CHRNB3: variants seen among roughly 807,000 people sequenced by gnomAD.
The protein encoded by CHRNB3 is neuronal acetylcholine receptor subunit beta-3.
CHRNB3 carries 37 observed loss-of-function variants against 40.6 expected under a neutral mutation model. The ratio of observed to expected loss-of-function variants is 0.91; its 90% CI spans 0.70 to 1.20. The LOEUF is 1.20. Ranked by LOEUF, CHRNB3 falls within the 50% of genes most tolerant of loss-of-function variation. CHRNB3 has a pLI of 0.00. For synonymous variants in CHRNB3, 207 were observed against 207.1 expected (o/e 1.00, Z 0.00); for missense variants, 505 against 551.2 (o/e 0.92, Z 0.84).
intron 2 of CHRNB3, among the ~76,000 whole-genome samples, chr8:42,709,980 T>C (rs746995721): frequency 1.3e-5 from 2 of 152,186 alleles, no homozygotes; most frequent in East Asian, 1.9e-4. Flanking sequence ...TTTATGTAAA[T>C]ATAGCCACAA....
chr8:42,701,061 C>G (rs2128904078), intron 1 of CHRNB3, among the ~76,000 whole-genome samples: 1 of 151,844 alleles, frequency 6.6e-6, no homozygotes, highest in South Asian at 2.1e-4. Flanking sequence ...AACCCCGTCT[C>G]TACTAAAAAC....
At chr8:42,714,007 G>A (rs1043773863) in intron 3 of CHRNB3, among the ~76,000 whole-genome samples, 9 of 152,144 alleles carry the variant, frequency 5.9e-5, no homozygotes, top group Admixed American at 3.3e-4. Flanking sequence ...TAGTCATTGC[G>A]ACGTCCATTT....
intron 5 of CHRNB3, among the ~76,000 whole-genome samples, chr8:42,733,985 C>T (rs150304679): frequency 0.012 from 1,728 of 149,546 alleles, 41 homozygotes; most frequent in African/African-American, 0.041. Flanking sequence ...GGGCCAGGCA[C>T]GGTGGCTCAT....
chr8:42,736,487 G>A lies in CHRNB3; in HGVS notation c.1246G>A (p.Val416Ile). The A allele has an allele frequency of 6.2e-7, 1 of 1,614,184 alleles. No homozygotes were observed. Among genetic ancestry groups the A allele is most frequent in the Non-Finnish European group, 8.5e-7 (1 of 1,180,032 alleles). ...VKKEHFISQVVQDWKFVAQVL... is the reference protein window; with the variant it reads ...VKKEHFISQVIQDWKFVAQVL... ...GGCATCTTTTTCTCTTTTGCAGGTA[G>A]TACAAGACTGGAAATTTGTAGCTCA... Residue 416 changes from valine (V) to isoleucine (I), a missense_variant, in exon 6 of 6, where the codon GTA becomes ATA. Physicochemically the swap from Val to Ile is conservative, Grantham distance 29 (BLOSUM62 3). Coordinates refer to ENST00000289957, the MANE Select transcript of CHRNB3 (RefSeq NM_000749.5).
rs1816308422 is a variant in CHRNB3, at chr8:42,726,320, C to T, written c.250-4274C>T. 1.6e-5 allele frequency: 9 copies of T among 554,658 alleles called. No individual in the cohort carries two copies. In the Admixed American group the frequency reaches 2.8e-4, roughly 17 times the overall value. 34.4% of individuals were successfully genotyped at this position (554,658 alleles called of 1,614,324 possible). A position where few individuals can be genotyped will look rare whatever the true frequency, so the allele number is the denominator to read the frequency against. On this transcript the variant is annotated intron_variant, in intron 3 of 5. Coordinates refer to ENST00000289957, the MANE Select transcript of CHRNB3 (RefSeq NM_000749.5). ...ATTGGAAAGGAAGAAATAAAACGCTCCACTTGCAAATGACATAATTGTCTA... is the reference window on the plus strand; with the variant it reads ...ATTGGAAAGGAAGAAATAAAACGCTTCACTTGCAAATGACATAATTGTCTA...
chr8:42,730,262 T>C (rs1816380491), intron 3 of CHRNB3, among the ~76,000 whole-genome samples: 1 of 152,206 alleles, frequency 6.6e-6, no homozygotes, highest in South Asian at 2.1e-4. Context: ...ACATCATTGC[T>C]TTTCTTTTGT....
intron 5 of CHRNB3, among the ~76,000 whole-genome samples, chr8:42,735,116 A>G (rs1007941779): frequency 2.0e-5 from 3 of 152,054 alleles, no homozygotes; most frequent in Admixed American, 2.0e-4. Context: ...GCTACTCGGG[A>G]GGCTGAGGCA....
At chr8:42,733,028 A>AT (rs112992489) in intron 5 of CHRNB3, among the ~76,000 whole-genome samples, 34 of 147,610 alleles carry the variant, frequency 2.3e-4, no homozygotes, top group South Asian at 1.1e-3. Flanking sequence ...TAGTTTACAG[A>AT]TTTTTTTTTT....
At chr8:42,703,671 C>T (rs910434845) in intron 1 of CHRNB3, among the ~76,000 whole-genome samples, 1 of 151,970 alleles carries the variant, frequency 6.6e-6, no homozygotes, top group Non-Finnish European at 1.5e-5. Context: ...GATTTTACAT[C>T]TTCGGGAGCA....
chr8:42,726,603 G>T (rs79369554), intron 3 of CHRNB3, among the ~76,000 whole-genome samples: 2 of 151,704 alleles, frequency 1.3e-5, no homozygotes, highest in Non-Finnish European at 2.9e-5. Context: ...AGTTCAAGCG[G>T]TTCTCCTACC....
intron 1 of CHRNB3, among the ~76,000 whole-genome samples, chr8:42,699,077 T>C (rs370461131): frequency 3.9e-5 from 6 of 152,364 alleles, no homozygotes; most frequent in East Asian, 3.8e-4. Flanking sequence ...TCTGCTCATA[T>C]TTTTAAATCT....
At chr8:42,729,273 G>T (rs976263841) in intron 3 of CHRNB3, among the ~76,000 whole-genome samples, 1 of 151,996 alleles carries the variant, frequency 6.6e-6, no homozygotes, top group African/African-American at 2.4e-5. Context: ...AGCCGGGCGT[G>T]GTGGCGGGAA....
chr8:42,721,737 A>T (rs1816221420), intron 3 of CHRNB3: 1 of 150,876 alleles, frequency 6.6e-6, no homozygotes, highest in Admixed American at 6.6e-5. Flanking sequence ...AAAACAAAAC[A>T]AAACAAAACA....
At position 42,720,182 on chromosome 8, in the gene CHRNB3, AGCGGCACGATCTCG is replaced by A. The variant is rs1816195245; in HGVS notation, c.249+9751_249+9764del. 4.2e-5 allele frequency among the ~76,000 whole-genome samples: 5 copies of A among 119,016 alleles called. No individual in the cohort carries two copies. In the South Asian group the frequency reaches 1.5e-3, roughly 35 times the overall value. The allele number at this position is 119,016 out of a possible 152,430, so 78.1% of individuals were successfully genotyped here. A position where few individuals can be genotyped will look rare whatever the true frequency, so the allele number is the denominator to read the frequency against. ...TTGCTCTGTCACCAGGCTGGAGTGC[AGCGGCACGATCTCG>A]GCTCCGCCTCCCAGGTTCAAGAGAT... On this transcript the variant is annotated intron_variant, in intron 3 of 5. Coordinates refer to ENST00000289957, the MANE Select transcript of CHRNB3 (RefSeq NM_000749.5).
At position 42,731,834 on chromosome 8, in the gene CHRNB3, A is replaced by T; in HGVS notation, c.527A>T (p.Tyr176Phe). ...NCSMKFGSWTYDGTMVDLILI... is the reference protein window; with the variant it reads ...NCSMKFGSWTFDGTMVDLILI... Reference sequence around the variant, plus strand: ...TCCATGAAGTTTGGATCCTGGACTTATGATGGCACCATGGTTGACCTCATT... The same window carrying T: ...TCCATGAAGTTTGGATCCTGGACTTTTGATGGCACCATGGTTGACCTCATT... The change falls in exon 5 of 6, where the codon TAT (tyrosine) becomes TTT (phenylalanine). Residue 176 changes from tyrosine (Y) to phenylalanine (F), a missense_variant. By Grantham distance (22) the Tyr-to-Phe change is conservative. Coordinates refer to ENST00000289957, the MANE Select transcript of CHRNB3 (RefSeq NM_000749.5). The T allele has an allele frequency of 6.2e-7, 1 of 1,614,112 alleles. No homozygotes were observed. Among genetic ancestry groups the T allele is most frequent in the Non-Finnish European group, 8.5e-7 (1 of 1,180,030 alleles).
chr8:42,732,411 G>A lies in CHRNB3; in HGVS notation c.1104G>A (p.Val368=). ...AGAAAGAGGAGAGTCAACCAGTAGT[G>A]AAAGGCAAAGTCCTCGAAAAAAAGA... The part of the protein sequence containing the change: ...SPEKEESQPV[V]KGKVLEKKKQ... The change falls in exon 5 of 6, where the codon GTG becomes GTA. Residue 368 remains valine, a synonymous_variant. Coordinates refer to ENST00000289957, the MANE Select transcript of CHRNB3 (RefSeq NM_000749.5). 1 of 1,614,026 alleles carries A rather than the reference G, an allele frequency of 6.2e-7. No homozygotes were observed. The highest frequency in any genetic ancestry group is 1.1e-5 in the South Asian group (1 of 91,068).
rs752651602 is a variant in CHRNB3, at chr8:42,736,508, G to A, written c.1267G>A (p.Ala423Thr). Residue 423 changes from alanine (A) to threonine (T), a missense_variant, in exon 6 of 6, where the codon GCT becomes ACT. By Grantham distance (58) the Ala-to-Thr change is moderately conservative (BLOSUM62 0). Transcript: ENST00000289957. ...SQVVQDWKFV[A>T]QVLDRIFLWL... ...GGTAGTACAAGACTGGAAATTTGTAGCTCAAGTTCTTGACCGAATCTTCCT... is the reference window on the plus strand; with the variant it reads ...GGTAGTACAAGACTGGAAATTTGTAACTCAAGTTCTTGACCGAATCTTCCT... 2 of 1,614,050 alleles carry A rather than the reference G, an allele frequency of 1.2e-6. No individual in the cohort carries two copies. Among genetic ancestry groups the A allele is most frequent in the African/African-American group, 1.3e-5 (1 of 74,918 alleles).
At chr8:42,733,419 C>T (rs1166503308) in intron 5 of CHRNB3, among the ~76,000 whole-genome samples, 1 of 152,006 alleles carries the variant, frequency 6.6e-6, no homozygotes, top group Non-Finnish European at 1.5e-5. Context: ...AGACAAGTTA[C>T]TTAACCTGAG....
chr8:42,731,741 C>A lies in CHRNB3; in HGVS notation c.434C>A (p.Pro145His). 1 of 1,614,050 alleles carries A rather than the reference C, an allele frequency of 6.2e-7. No homozygotes were observed. The highest frequency in any genetic ancestry group is 1.1e-5 in the South Asian group (1 of 91,058). ...TCAAACGGAACTGTTGTCTGGACCC[C>A]TCCCGCCAGCTACAAAAGCTCCTGC... ...VKSNGTVVWT[P>H]PASYKSSCTM... Residue 145 changes from proline to histidine, a missense_variant, in exon 5 of 6, where the codon CCT (proline) becomes CAT (histidine). Pro to His is a moderately conservative substitution (Grantham distance 77). Coordinates refer to ENST00000289957, the MANE Select transcript of CHRNB3 (RefSeq NM_000749.5).
Sources: gnomAD v4.1 joint callset for allele counts (sites outside exome capture counted in the v4.1 genomes callset) on GRCh38, gnomAD v4.1.1 for gene constraint, MANE v1.5 for transcripts, NCBI Gene and HGNC (gene_info 2026-07-23, HGNC 2026-07-21) for gene names.